ARB2A: variants seen among roughly 807,000 people sequenced by gnomAD.
ARB2A encodes the protein cotranscriptional regulator ARB2A.
At chr5:93,744,745 T>C in the ARB2A span, among the ~76,000 whole-genome samples, 1 of 152,224 alleles carries the variant, frequency 6.6e-6, no homozygotes, top group Non-Finnish European at 1.5e-5. Context: ...TTGATGGGAA[T>C]GCCCAAGACA....
chr5:93,653,882 G>C, the ARB2A span, among the ~76,000 whole-genome samples: 1 of 152,210 alleles, frequency 6.6e-6, no homozygotes, highest in Non-Finnish European at 1.5e-5. Context: ...CCATAGAATT[G>C]GCAAGTGCCA....
chr5:93,786,948 G>A, the ARB2A span, among the ~76,000 whole-genome samples: 1 of 152,130 alleles, frequency 6.6e-6, no homozygotes, highest in African/African-American at 2.4e-5. Context: ...GTCTATAACA[G>A]AAGACCATAA....
chr5:93,648,987 A>G, the ARB2A span, among the ~76,000 whole-genome samples: 27 of 152,334 alleles, frequency 1.8e-4, no homozygotes, highest in African/African-American at 6.5e-4. Flanking sequence ...GAACAAAGAA[A>G]GGACTTTACT....
chr5:93,657,731 C>G, the ARB2A span, among the ~76,000 whole-genome samples: 1 of 152,234 alleles, frequency 6.6e-6, no homozygotes, highest in East Asian at 1.9e-4. Context: ...TTCCAAATTG[C>G]ACTTTATGTA....
the ARB2A span, among the ~76,000 whole-genome samples, chr5:93,766,501 AC>A: frequency 6.6e-6 from 1 of 152,178 alleles, no homozygotes; most frequent in Non-Finnish European, 1.5e-5. Flanking sequence ...ACCATCTTAC[AC>A]CAGTTAGAAT....
chr5:93,781,915 G>A, the ARB2A span: 3 of 985,150 alleles, frequency 3.0e-6, no homozygotes, highest in Non-Finnish European at 3.6e-6. Flanking sequence ...TGTAATCCAG[G>A]TTTGTTTCTC....
At chr5:94,037,668 A>G in the ARB2A span, among the ~76,000 whole-genome samples, 6 of 152,136 alleles carry the variant, frequency 3.9e-5, no homozygotes, top group African/African-American at 7.2e-5. Flanking sequence ...AGCCAGAACT[A>G]AGACCCAGAT....
chr5:93,897,933 G>A, the ARB2A span, among the ~76,000 whole-genome samples: 1 of 151,830 alleles, frequency 6.6e-6, no homozygotes, highest in Admixed American at 6.6e-5. Flanking sequence ...ACTTCAGATT[G>A]TAAGAAACCA....
chr5:93,785,743 C>A, the ARB2A span, among the ~76,000 whole-genome samples: 7 of 152,114 alleles, frequency 4.6e-5, no homozygotes, highest in Non-Finnish European at 7.4e-5. Flanking sequence ...ATATAAAAAT[C>A]TTAAAATCAA....
At chr5:93,724,795 G>C in the ARB2A span, among the ~76,000 whole-genome samples, 2 of 151,972 alleles carry the variant, frequency 1.3e-5, no homozygotes, top group African/African-American at 4.8e-5. Context: ...GGCAGAGTAA[G>C]AGATGAACAA....
chr5:93,814,094 A>G, the ARB2A span, among the ~76,000 whole-genome samples: 289 of 152,262 alleles, frequency 1.9e-3, no homozygotes, highest in Middle Eastern at 0.014. Context: ...TTCAACTTAA[A>G]TGATCAATTT....
At chr5:93,713,040 T>C in the ARB2A span, among the ~76,000 whole-genome samples, 4 of 152,180 alleles carry the variant, frequency 2.6e-5, no homozygotes, top group Admixed American at 6.5e-5. Flanking sequence ...TCTGTCACCA[T>C]ATACAAAAAT....
the ARB2A span, among the ~76,000 whole-genome samples, chr5:93,793,938 G>A: frequency 6.6e-6 from 1 of 152,070 alleles, no homozygotes; most frequent in South Asian, 2.1e-4. Context: ...CTACCACACT[G>A]TTCTTTGAGT....
the ARB2A span, among the ~76,000 whole-genome samples, chr5:93,877,310 AT>A: frequency 3.9e-5 from 6 of 152,156 alleles, no homozygotes; most frequent in Non-Finnish European, 7.4e-5. Context: ...CTAAAATTCT[AT>A]TAACTGACCT....
chr5:94,102,232 A>G, the ARB2A span, among the ~76,000 whole-genome samples: 2 of 152,114 alleles, frequency 1.3e-5, no homozygotes. Flanking sequence ...GAGAATCATC[A>G]AGATTCAGGA....
chr5:93,784,758 C>T, the ARB2A span, among the ~76,000 whole-genome samples: 170 of 152,172 alleles, frequency 1.1e-3, 1 homozygote, highest in African/African-American at 3.9e-3. Flanking sequence ...TGTGGTTTGA[C>T]GATTCGAGGA....
the ARB2A span, chr5:93,881,211 T>A: frequency 1.4e-5 from 4 of 277,074 alleles, no homozygotes; most frequent in South Asian, 2.2e-4. Context: ...TTTTAGAAAA[T>A]TTTTCTTGAG....
the ARB2A span, among the ~76,000 whole-genome samples, chr5:93,762,322 C>A: frequency 3.3e-5 from 5 of 152,108 alleles, no homozygotes. Context: ...AGACGAATGG[C>A]TGACTAGAAT....
At chr5:94,007,366 C>A in the ARB2A span, among the ~76,000 whole-genome samples, 1 of 152,084 alleles carries the variant, frequency 6.6e-6, no homozygotes, top group African/African-American at 2.4e-5. Context: ...AATAAACTTA[C>A]ACAATATCTT....
Sources: gnomAD v4.1 joint callset for allele counts (sites outside exome capture counted in the v4.1 genomes callset) on GRCh38, gnomAD v4.1.1 for gene constraint, MANE v1.5 for transcripts, NCBI Gene and HGNC (gene_info 2026-07-23, HGNC 2026-07-21) for gene names.